Variants in KIF26B observed in about 807,000 individuals in gnomAD.
KIF26B encodes the protein kinesin-like protein KIF26B.
In KIF26B, 63 loss-of-function variants were observed where a neutral mutation model predicts 151.2. That is an observed-to-expected ratio of 0.42 (90% confidence interval 0.34 to 0.51). The LOEUF (loss-of-function observed/expected upper bound fraction) is 0.51, where lower values mean the gene tolerates loss of function less well. Among genes scored for constraint, KIF26B ranks in the 20% least tolerant of loss-of-function variants. The probability of loss-of-function intolerance (pLI) is 0.07; values close to 1 mark genes in which losing one functional copy is unlikely to be tolerated. For missense variants in KIF26B, 2,813 were observed against 2,913.6 expected (o/e 0.97, Z 0.79); for synonymous variants, 1,357 against 1,262.1 (o/e 1.08, Z -1.59).
At chr1:245,183,992 G>A (rs1166667123) in intron 2 of KIF26B, among the ~76,000 whole-genome samples, 2 of 143,112 alleles carry the variant, frequency 1.4e-5, no homozygotes, top group Non-Finnish European at 3.0e-5. Flanking sequence ...GCTTTCATTG[G>A]ATTTTTTCCT....
chr1:245,332,228 A>G (rs558451620), intron 2 of KIF26B, among the ~76,000 whole-genome samples: 6 of 152,188 alleles, frequency 3.9e-5, no homozygotes, highest in Non-Finnish European at 8.8e-5. Context: ...TTCTAAGACC[A>G]TTTGTGTATC....
At chr1:245,505,391 C>G (rs776296305) in intron 4 of KIF26B, among the ~76,000 whole-genome samples, 1 of 150,374 alleles carries the variant, frequency 6.7e-6, no homozygotes, top group Non-Finnish European at 1.5e-5. Flanking sequence ...TTTATTCATT[C>G]ATTTATTCTT....
intron 10 of KIF26B, among the ~76,000 whole-genome samples, chr1:245,648,360 T>C (rs1341569915): frequency 6.6e-6 from 1 of 152,168 alleles, no homozygotes; most frequent in African/African-American, 2.4e-5. Flanking sequence ...TTAAAAATTG[T>C]TTTTATGGCC....
chr1:245,545,395 C>A (rs1238788775), intron 5 of KIF26B, among the ~76,000 whole-genome samples: 1 of 152,170 alleles, frequency 6.6e-6, no homozygotes, highest in Non-Finnish European at 1.5e-5. Flanking sequence ...AGCCACCATG[C>A]CCAGCCCACA....
At chr1:245,324,426 TAAAC>T (rs907928693) in intron 2 of KIF26B, among the ~76,000 whole-genome samples, 2 of 152,150 alleles carry the variant, frequency 1.3e-5, no homozygotes, top group Non-Finnish European at 1.5e-5. Context: ...ATGGAAACAA[TAAAC>T]AGTCAAAATG....
intron 3 of KIF26B, among the ~76,000 whole-genome samples, chr1:245,384,588 T>C (rs991247950): frequency 1.3e-5 from 2 of 152,162 alleles, no homozygotes; most frequent in African/African-American, 4.8e-5. Context: ...GCCTGGCCCA[T>C]TCTCATTTTA....
chr1:245,161,142 A>G (rs989227741), intron 2 of KIF26B, among the ~76,000 whole-genome samples: 33 of 152,236 alleles, frequency 2.2e-4, no homozygotes, highest in African/African-American at 7.5e-4. Flanking sequence ...AGGAGCAGTT[A>G]GTAGATAATA....
intron 2 of KIF26B, among the ~76,000 whole-genome samples, chr1:245,364,309 C>A (rs1036594211): frequency 4.0e-5 from 6 of 151,790 alleles, no homozygotes; most frequent in Admixed American, 6.6e-5. Context: ...ATGGCTCATG[C>A]GGTTTCTGGA....
rs1343927219 is a variant in KIF26B at position 245,688,459 on chromosome 1, G to C, written c.5476G>C (p.Gly1826Arg). 2.9e-6 allele frequency: 4 copies of C among 1,367,922 alleles called. No homozygotes were observed. The highest frequency in any genetic ancestry group is 3.9e-5 in the Admixed American group (1 of 25,492). The allele number at this position is 1,367,922 out of a possible 1,614,324, so 84.7% of individuals were successfully genotyped here. A position where few individuals can be genotyped will look rare whatever the true frequency, so the allele number is the denominator to read the frequency against. Residue 1826 changes from glycine (G) to arginine (R), a missense_variant, in exon 12 of 15, where the codon GGG becomes CGG. Gly to Arg is a moderately radical substitution (Grantham distance 125). This residue lies in a region of KIF26B where 2,060 missense variants were observed against 2,088.6 expected (regional missense o/e 0.99). Coordinates refer to ENST00000407071, the MANE Select transcript of KIF26B (RefSeq NM_018012.4). ...AGARGLQLRA[G>R]PEAEARGGAL... ...CGCCCGGGGCTTGCAGCTGCGGGCC[G>C]GGCCCGAGGCGGAGGCGCGCGGGGG...
chr1:245,679,473 T>C (rs1479941657), intron 10 of KIF26B, among the ~76,000 whole-genome samples: 2 of 136,654 alleles, frequency 1.5e-5, no homozygotes, highest in Non-Finnish European at 3.2e-5. Flanking sequence ...TTTTTTTTTT[T>C]TTTTTTTTTT....
chr1:245,209,416 GA>G (rs913797960), intron 2 of KIF26B, among the ~76,000 whole-genome samples: 37 of 148,842 alleles, frequency 2.5e-4, no homozygotes, highest in Non-Finnish European at 4.2e-4. Context: ...AATAAAACAA[GA>G]AAAAAAATAA....
At chr1:245,203,499 C>A (rs1031309737) in intron 2 of KIF26B, among the ~76,000 whole-genome samples, 4 of 152,146 alleles carry the variant, frequency 2.6e-5, no homozygotes, top group Non-Finnish European at 5.9e-5. Context: ...GGCATATGCC[C>A]AAACAGCATA....
At chr1:245,455,705 A>T (rs944158336) in intron 4 of KIF26B, among the ~76,000 whole-genome samples, 9 of 152,190 alleles carry the variant, frequency 5.9e-5, no homozygotes, top group African/African-American at 2.2e-4. Context: ...AGAGAGTGTG[A>T]AGAAGTGAGA....
intron 4 of KIF26B, among the ~76,000 whole-genome samples, chr1:245,452,679 T>C (rs766377620): frequency 6.6e-6 from 1 of 152,180 alleles, no homozygotes; most frequent in Non-Finnish European, 1.5e-5. Flanking sequence ...TTGATTTGCA[T>C]TTCCCTAGTG....
rs1387635862 is a variant in KIF26B at position 245,704,926 on chromosome 1, A to T, written c.*2320A>T. On this transcript the variant is annotated 3_prime_UTR_variant, in exon 15 of 15. Transcript: ENST00000407071. The stretch of plus-strand genomic sequence containing the variant: ...TTTTTGTTGGAAAGAAACTCATCTG[A>T]TGAGTCATCGATGAGTTTGGCTTTC... 1 of 152,202 alleles carries T rather than the reference A, an allele frequency of 6.6e-6. No individual in the cohort carries two copies. The highest frequency in any genetic ancestry group is 1.5e-5 in the Non-Finnish European group (1 of 68,052). The allele number at this position is 152,202 out of a possible 1,614,324, so 9.4% of individuals were successfully genotyped here. A position where few individuals can be genotyped will look rare whatever the true frequency, so the allele number is the denominator to read the frequency against.
intron 2 of KIF26B, among the ~76,000 whole-genome samples, chr1:245,219,161 C>T (rs187422273): frequency 0.093 from 7,451 of 80,120 alleles, 431 homozygotes; most frequent in Middle Eastern, 0.28. Context: ...TTTTTTGAGA[C>T]GGAGTCTTGC....
intron 2 of KIF26B, among the ~76,000 whole-genome samples, chr1:245,234,183 TAAAA>T (rs532088946): frequency 6.9e-6 from 1 of 144,948 alleles, no homozygotes; most frequent in East Asian, 2.0e-4. Context: ...GACTCCCTCT[TAAAA>T]AAAAAAAGAA....
intron 3 of KIF26B, among the ~76,000 whole-genome samples, chr1:245,381,592 A>C (rs1673410661): frequency 2.0e-5 from 3 of 152,158 alleles, no homozygotes; most frequent in Admixed American, 2.0e-4. Flanking sequence ...AGGGAAGCCG[A>C]AAGATTGGAC....
chr1:245,270,206 CTT>C (rs770135965), intron 2 of KIF26B, among the ~76,000 whole-genome samples: 2 of 105,238 alleles, frequency 1.9e-5, no homozygotes, highest in African/African-American at 7.9e-5. Context: ...TTTCCCTTCC[CTT>C]TCTTCTTCCC....
Sources: allele counts gnomAD v4.1 joint callset (sites outside exome capture counted in the v4.1 genomes callset), GRCh38; gene constraint gnomAD v4.1.1; regional missense constraint gnomAD v4.1.1; transcripts MANE v1.5; gene names NCBI Gene and HGNC (gene_info 2026-07-23, HGNC 2026-07-21).